The following MDM2 variants were observed in gnomAD, a reference collection of about 807,000 sequenced individuals.
MDM2 encodes MDM2 proto-oncogene.
Under a neutral mutation model 64.3 loss-of-function variants are expected in MDM2, and 11 were observed. The observed-to-expected ratio is 0.17, with a 90% confidence interval of 0.11 to 0.28. MDM2 has a LOEUF of 0.28. Ranked by LOEUF, MDM2 falls within the 10% of genes least tolerant of loss-of-function variation. The pLI is 1.00. For missense variants in MDM2, 388 were observed against 577.1 expected, an observed-to-expected ratio of 0.67 and a Z score of 3.36; for synonymous variants, 194 against 192.9, an observed-to-expected ratio of 1.01 and a Z score of -0.05.
In MDM2 at chr12:68,845,206, A is replaced by G; in HGVS notation, c.*5357A>G. ...AATTACATTTTGATTTGATACTTAT[A>G]AAAAGAAAAAGTATTTCTTCAGCTT... is the stretch of plus-strand genomic sequence containing the variant. On this transcript the variant is annotated 3_prime_UTR_variant, in exon 11 of 11. Coordinates refer to ENST00000258149, the MANE Select transcript of MDM2 (RefSeq NM_002392.6). 2.8e-5 allele frequency: 3 copies of G among 106,522 alleles called. No individual in the cohort carries two copies. The highest frequency in any genetic ancestry group is 5.2e-5 in the Non-Finnish European group (2 of 38,108). The allele number at this position is 106,522 out of a possible 1,614,324, so 6.6% of individuals were successfully genotyped here.
Position 68,842,509 on chromosome 12 carries a change from A to G in MDM2, c.*2660A>G, listed in dbSNP as rs558456326. The G allele has an allele frequency of 6.8e-5, 26 of 383,054 alleles. No individual in the cohort carries two copies. The East Asian group carries it at 1.3e-3, about 19-fold the overall frequency. 23.7% of individuals were successfully genotyped at this position (383,054 alleles called of 1,614,324 possible). ...TCACTCCGATGAAAGGTGATTACAA[A>G]ATCATCTACATTGCTGTCTACAAAA... On this transcript the variant is annotated 3_prime_UTR_variant, in exon 11 of 11. Transcript: ENST00000258149.
chr12:68,843,302 G>A lies in MDM2; in HGVS notation c.*3453G>A, dbSNP rs1417796809. The A allele has an allele frequency of 8.7e-6, 2 of 229,770 alleles. No individual in the cohort carries two copies. The highest frequency in any genetic ancestry group is 1.7e-5 in the Non-Finnish European group (2 of 116,296). The allele number at this position is 229,770 out of a possible 1,614,324, so 14.2% of individuals were successfully genotyped here. On this transcript the variant is annotated 3_prime_UTR_variant, in exon 11 of 11. Transcript: ENST00000258149. Reference sequence around the variant, plus strand: ...ATCCCTTTGGCCATTTATTGAGAGAGAGAGAGAGAGAGAGTAGGGTGACTA... The same window carrying A: ...ATCCCTTTGGCCATTTATTGAGAGAAAGAGAGAGAGAGAGTAGGGTGACTA...
chr12:68,813,577 G>A lies in MDM2; in HGVS notation c.123G>A (p.Leu41=). The change falls in exon 3 of 11, where the codon TTG becomes TTA. Residue 41 remains leucine (L), a synonymous_variant. Transcript: ENST00000258149. ...ETLVRPKPLL[L]KLLKSVGAQK... ...AGGTTAGACCAAAGCCATTGCTTTTGAAGTTATTAAAGTCTGTTGGTGCAC... is the reference window on the plus strand; with the variant it reads ...AGGTTAGACCAAAGCCATTGCTTTTAAAGTTATTAAAGTCTGTTGGTGCAC... The A allele has an allele frequency of 6.2e-7, 1 of 1,613,500 alleles. No homozygotes were observed. The highest frequency in any genetic ancestry group is 8.5e-7 in the Non-Finnish European group (1 of 1,179,668).
intron 3 of MDM2, chr12:68,814,601 A>G (rs752628448): frequency 9.1e-5 from 37 of 407,928 alleles, no homozygotes; most frequent in South Asian, 6.4e-4. Context: ...ATTCTATCCA[A>G]GGACTTCTTG....
chr12:68,833,220 T>C lies in MDM2; in HGVS notation c.685-2609T>C, dbSNP rs1315666515. ...AATATATAATTATAAATCTATTATA[T>C]ATTAATGTATATTATATATTACATT... On this transcript the variant is annotated intron_variant, in intron 8 of 10. Transcript: ENST00000258149. Among the ~76,000 whole-genome samples the C allele has an allele frequency of 3.8e-5, 5 of 131,914 alleles. No homozygotes were observed. The East Asian group carries it at 6.1e-4, about 16-fold the overall frequency. The allele number at this position is 131,914 out of a possible 152,430, so 86.5% of individuals were successfully genotyped here.
chr12:68,808,330 C>A lies in MDM2; in HGVS notation c.-148C>A. ...GCTTTCGCAGCCAGGAGCACCGTCC[C>A]TCCCCGGATTAGTGCGTACGAGCGC... On this transcript the variant is annotated 5_prime_UTR_variant, in exon 1 of 11. Coordinates refer to ENST00000258149, the MANE Select transcript of MDM2 (RefSeq NM_002392.6). 1 of 1,017,590 alleles carries A rather than the reference C, an allele frequency of 9.8e-7. No homozygotes were observed. The highest frequency in any genetic ancestry group is 1.5e-6 in the Non-Finnish European group (1 of 670,708). 63.0% of individuals were successfully genotyped at this position (1,017,590 alleles called of 1,614,324 possible). A position where few individuals can be genotyped will look rare whatever the true frequency, so the allele number is the denominator to read the frequency against.
At chr12:68,808,876 T>C in intron 1 of MDM2, 1 of 1,353,242 alleles carries the variant, frequency 7.4e-7, no homozygotes, top group Non-Finnish European at 9.5e-7. Context: ...CTGGGCGGGA[T>C]TGGGCCGGTT....
intron 10 of MDM2, among the ~76,000 whole-genome samples, chr12:68,836,955 C>CTTTT (rs35125243): frequency 7.3e-6 from 1 of 136,700 alleles, no homozygotes; most frequent in Non-Finnish European, 1.6e-5. Flanking sequence ...GGAATTTGAA[C>CTTTT]TTTTTTTTTT....
downstream of MDM2, chr12:68,847,493 G>C (rs1419110699): frequency 8.9e-6 from 1 of 112,882 alleles, no homozygotes; most frequent in South Asian, 2.6e-4. Context: ...CCGCTGTTTA[G>C]CCCAGGCCGG....
intron 2 of MDM2, among the ~76,000 whole-genome samples, chr12:68,813,093 GGTT>G (rs909027736): frequency 2.0e-5 from 3 of 152,086 alleles, no homozygotes; most frequent in Admixed American, 6.6e-5. Context: ...GAGGGACCTG[GGTT>G]GTTATCTCTG....
intron 5 of MDM2, 127 bp from the exon 6 acceptor site, chr12:68,824,236 T>A: frequency 1.6e-6 from 1 of 614,680 alleles, no homozygotes; most frequent in South Asian, 2.3e-5. Context: ...GGAAAATACA[T>A]GTTTAATGTT....
chr12:68,823,289 G>A (rs949090689), intron 5 of MDM2, among the ~76,000 whole-genome samples: 1 of 152,128 alleles, frequency 6.6e-6, no homozygotes, highest in Non-Finnish European at 1.5e-5. Flanking sequence ...ATAATTGTCT[G>A]TATATCCCAA....
At position 68,841,983 on chromosome 12, in the gene MDM2, G is replaced by A. The variant is rs2136185007; in HGVS notation, c.*2134G>A. 2 of 388,662 alleles carry A rather than the reference G, an allele frequency of 5.1e-6. No homozygotes were observed. The highest frequency in any genetic ancestry group is 5.1e-5 in the South Asian group (2 of 38,938). The allele number at this position is 388,662 out of a possible 1,614,324, so 24.1% of individuals were successfully genotyped here. ...CCTGACCACATCATGATGTTCATCT[G>A]CAGCTGTTGCAAGGTGTTCAGATTG... On this transcript the variant is annotated 3_prime_UTR_variant, in exon 11 of 11. Transcript: ENST00000258149.
At chr12:68,810,554 C>T (rs1049479806) in intron 2 of MDM2, among the ~76,000 whole-genome samples, 2 of 151,754 alleles carry the variant, frequency 1.3e-5, no homozygotes, top group Admixed American at 6.6e-5. Flanking sequence ...CTCCGTTCCC[C>T]GGGTTCACGC....
rs1880645795 is a variant in MDM2 at position 68,809,253 on chromosome 12, A to T, written c.60A>T (p.Val20=). 1 of 1,614,176 alleles carries T rather than the reference A, an allele frequency of 6.2e-7. No homozygotes were observed. Among genetic ancestry groups the T allele is most frequent in the Non-Finnish European group, 8.5e-7 (1 of 1,180,020 alleles). ...TGTCTGTACCTACTGATGGTGCTGT[A>T]ACCACCTCACAGATTCCAGCTTCGG... ...TNMSVPTDGA[V]TTSQIPASEQ... The change falls in exon 2 of 11, where the codon GTA becomes GTT. Residue 20 remains valine, a synonymous_variant. Coordinates refer to ENST00000258149, the MANE Select transcript of MDM2 (RefSeq NM_002392.6).
At chr12:68,824,102 ACT>A (rs1194467560) in intron 5 of MDM2, 2 of 416,852 alleles carry the variant, frequency 4.8e-6, no homozygotes, top group Non-Finnish European at 8.4e-6. Flanking sequence ...CAAAATAATG[ACT>A]CTCCTGTCTC....
chr12:68,838,639 T>C (rs1052066310), intron 10 of MDM2, among the ~76,000 whole-genome samples: 2 of 152,192 alleles, frequency 1.3e-5, no homozygotes, highest in African/African-American at 4.8e-5. Context: ...AGGTTTCATC[T>C]AGATTGATGG....
chr12:68,812,004 C>T (rs927891190), intron 2 of MDM2, among the ~76,000 whole-genome samples: 1 of 152,132 alleles, frequency 6.6e-6, no homozygotes, highest in Non-Finnish European at 1.5e-5. Context: ...CCTCGGCCTC[C>T]CAAAGTGCTG....
chr12:68,841,661 G>C lies in MDM2; in HGVS notation c.*1812G>C. Reference sequence around the variant, plus strand: ...AGTACCTTCTTGGCCTGGGTTACATGGTTCCCAGCCTAGGTTTCAGACTTT... The same window carrying C: ...AGTACCTTCTTGGCCTGGGTTACATCGTTCCCAGCCTAGGTTTCAGACTTT... On this transcript the variant is annotated 3_prime_UTR_variant, in exon 11 of 11. Transcript: ENST00000258149. 4.8e-6 allele frequency: 1 copy of C among 209,552 alleles called. No homozygotes were observed. The highest frequency in any genetic ancestry group is 7.3e-5 in the East Asian group (1 of 13,746). The allele number at this position is 209,552 out of a possible 1,614,324, so 13.0% of individuals were successfully genotyped here. A position where few individuals can be genotyped will look rare whatever the true frequency, so the allele number is the denominator to read the frequency against.
Sources: gnomAD v4.1 joint callset for allele counts (sites outside exome capture counted in the v4.1 genomes callset) on GRCh38, gnomAD v4.1.1 for gene constraint, MANE v1.5 for transcripts, NCBI Gene and HGNC (gene_info 2026-07-23, HGNC 2026-07-21) for gene names.